SNTG1: variants seen among roughly 807,000 people sequenced by gnomAD.
SNTG1 encodes gamma-1-syntrophin.
A neutral mutation model predicts 74.7 loss-of-function variants in SNTG1; 39 were observed. The observed-to-expected ratio is 0.52, with a 90% confidence interval of 0.40 to 0.68. The LOEUF (loss-of-function observed/expected upper bound fraction) is 0.68, where lower values mean the gene tolerates loss of function less well. Ranked by LOEUF, SNTG1 falls within the 30% of genes least tolerant of loss-of-function variation. The probability of loss-of-function intolerance (pLI) is 0.00; values close to 1 mark genes in which losing one functional copy is unlikely to be tolerated. For missense variants in SNTG1, 685 were observed against 609.5 expected, an observed-to-expected ratio of 1.12 and a Z score of -1.30; for synonymous variants, 254 against 217.1, an observed-to-expected ratio of 1.17 and a Z score of -1.49.
At chr8:50,743,933 A>G (rs565134613) in intron 17 of SNTG1, among the ~76,000 whole-genome samples, 1 of 151,602 alleles carries the variant, frequency 6.6e-6, no homozygotes, top group East Asian at 2.0e-4. Context: ...GATGAAGTGG[A>G]AGCAAGCTTG....
intron 8 of SNTG1, among the ~76,000 whole-genome samples, chr8:50,496,175 T>C (rs888382596): frequency 6.6e-6 from 1 of 152,194 alleles, no homozygotes; most frequent in African/African-American, 2.4e-5. Flanking sequence ...AATAATTTAC[T>C]ATGTCAAGTG....
intron 4 of SNTG1, among the ~76,000 whole-genome samples, chr8:50,425,837 G>A (rs2093157085): frequency 1.3e-5 from 2 of 152,138 alleles, no homozygotes. Context: ...CTTAGGAGAT[G>A]CAATGAGGTG....
intron 9 of SNTG1, among the ~76,000 whole-genome samples, chr8:50,504,139 G>A (rs1010244632): frequency 6.6e-6 from 1 of 152,078 alleles, no homozygotes; most frequent in African/African-American, 2.4e-5. Context: ...ATGGCCTCCA[G>A]CTCCATCCAT....
At chr8:50,568,389 T>C (rs1283289887) in intron 12 of SNTG1, among the ~76,000 whole-genome samples, 1 of 152,086 alleles carries the variant, frequency 6.6e-6, no homozygotes, top group Non-Finnish European at 1.5e-5. Flanking sequence ...CATATGGTAG[T>C]TCTGTTTTTA....
intron 1 of SNTG1, among the ~76,000 whole-genome samples, chr8:50,148,095 A>G (rs754530983): frequency 4.6e-5 from 7 of 152,212 alleles, no homozygotes; most frequent in Non-Finnish European, 1.0e-4. Context: ...AATATGCGTA[A>G]CATAGCGTGT....
At chr8:50,489,733 A>T (rs772057309) in intron 8 of SNTG1, among the ~76,000 whole-genome samples, 1 of 152,216 alleles carries the variant, frequency 6.6e-6, no homozygotes, top group Non-Finnish European at 1.5e-5. Flanking sequence ...TTGCCTGTTC[A>T]TACCGATGAT....
At chr8:50,292,804 T>A (rs1256015731) in intron 2 of SNTG1, among the ~76,000 whole-genome samples, 1 of 152,182 alleles carries the variant, frequency 6.6e-6, no homozygotes, top group East Asian at 1.9e-4. Context: ...TAGTTATCCA[T>A]AACCTACAGG....
At chr8:50,638,613 T>C (rs955121457) in intron 13 of SNTG1, among the ~76,000 whole-genome samples, 1 of 152,100 alleles carries the variant, frequency 6.6e-6, no homozygotes, top group African/African-American at 2.4e-5. Context: ...TATATTCCGA[T>C]GAAGAATCAA....
rs189511935 is a variant in SNTG1, at chr8:50,658,380, A to G, written c.967-212A>G. Among the ~76,000 whole-genome samples the G allele has an allele frequency of 1.6e-3, 238 of 152,318 alleles. 2 individuals are homozygous for G. Among genetic ancestry groups the G allele is most frequent in the Middle Eastern group, 0.01 (3 of 294 alleles). ...AGAACTGTTGCACATAATATAAATC[A>G]TTTGCTGAAAGCATAAGACAAATGG... On this transcript the variant is annotated intron_variant, in intron 14 of 18. Coordinates refer to ENST00000642720, the MANE Select transcript of SNTG1 (RefSeq NM_018967.5).
intron 15 of SNTG1, among the ~76,000 whole-genome samples, chr8:50,686,996 G>A (rs1468647855): frequency 1.1e-4 from 16 of 151,066 alleles, no homozygotes; most frequent in African/African-American, 2.4e-4. Context: ...TTAGCCGGGC[G>A]CAGTGGCGGG....
At chr8:50,410,509 G>A (rs968809821) in intron 4 of SNTG1, among the ~76,000 whole-genome samples, 4 of 152,120 alleles carry the variant, frequency 2.6e-5, no homozygotes, top group Admixed American at 2.6e-4. Context: ...TATTCAAGGT[G>A]TATAATATGA....
chr8:50,457,345 T>A (rs2131660724), intron 8 of SNTG1, among the ~76,000 whole-genome samples: 1 of 152,266 alleles, frequency 6.6e-6, no homozygotes, highest in Middle Eastern at 3.4e-3. Flanking sequence ...GGCTCAGCGA[T>A]GGTCACAAAT....
chr8:50,541,243 CTGTGTGTGTGTGTG>C (rs200129335), intron 11 of SNTG1, among the ~76,000 whole-genome samples: 1 of 143,054 alleles, frequency 7.0e-6, no homozygotes, highest in South Asian at 2.2e-4. Flanking sequence ...AAGATTTTAC[CTGTGTGTGTGTGTG>C]TGTGTGTGTG....
At chr8:50,629,192 G>A (rs908988602) in intron 13 of SNTG1, among the ~76,000 whole-genome samples, 1 of 151,848 alleles carries the variant, frequency 6.6e-6, no homozygotes, top group Non-Finnish European at 1.5e-5. Context: ...CTCACTTGTG[G>A]TATATCTTCT....
intron 1 of SNTG1, among the ~76,000 whole-genome samples, chr8:50,160,778 G>A (rs1036291935): frequency 1.3e-5 from 2 of 152,172 alleles, no homozygotes; most frequent in African/African-American, 4.8e-5. Flanking sequence ...TACTCATAGG[G>A]ATCTTGCAGA....
intron 12 of SNTG1, among the ~76,000 whole-genome samples, chr8:50,584,827 A>G (rs1305707963): frequency 6.6e-6 from 1 of 152,104 alleles, no homozygotes; most frequent in Non-Finnish European, 1.5e-5. Context: ...TGCAAGTCAA[A>G]CATGATGAAG....
At chr8:50,705,345 A>G (rs1442840232) in intron 16 of SNTG1, among the ~76,000 whole-genome samples, 2 of 152,232 alleles carry the variant, frequency 1.3e-5, no homozygotes, top group Non-Finnish European at 1.5e-5. Context: ...AGATAAGAAA[A>G]CACAAACTAA....
At chr8:50,557,623 G>A (rs2094464129) in intron 12 of SNTG1, among the ~76,000 whole-genome samples, 1 of 152,244 alleles carries the variant, frequency 6.6e-6, no homozygotes, top group Non-Finnish European at 1.5e-5. Flanking sequence ...TTCTTTCTGT[G>A]TGTGTCACTT....
chr8:50,075,566 G>T (rs1280210864), intron 1 of SNTG1, among the ~76,000 whole-genome samples: 1 of 152,172 alleles, frequency 6.6e-6, no homozygotes, highest in African/African-American at 2.4e-5. Context: ...TGTGGGTGGG[G>T]CCAGATAAGG....
Sources: allele counts gnomAD v4.1 joint callset (sites outside exome capture counted in the v4.1 genomes callset), GRCh38; gene constraint gnomAD v4.1.1; transcripts MANE v1.5; gene names NCBI Gene and HGNC (gene_info 2026-07-23, HGNC 2026-07-21).